Variants in RTEL1 observed in about 807,000 individuals in gnomAD.
RTEL1 encodes the protein regulator of telomere elongation helicase 1.
RTEL1 carries 86 observed loss-of-function variants against 162.2 expected under a neutral mutation model. The observed-to-expected ratio is 0.53, with a 90% confidence interval of 0.45 to 0.63. RTEL1 has a LOEUF of 0.63. RTEL1 is among the 30% of genes least tolerant of loss of function. RTEL1 has a pLI of 0.00. For missense variants in RTEL1, 1,941 were observed against 1,750.2 expected, an observed-to-expected ratio of 1.11 and a Z score of -1.95; for synonymous variants, 958 against 717.9, an observed-to-expected ratio of 1.33 and a Z score of -5.35.
In RTEL1 at chr20:63,689,072, T is replaced by C. The variant is rs914045411; in HGVS notation, c.1818T>C (p.Tyr606=). 1.2e-6 allele frequency: 2 copies of C among 1,610,918 alleles called. No individual in the cohort carries two copies. The highest frequency in any genetic ancestry group is 1.3e-5 in the African/African-American group (1 of 74,908). The change falls in exon 22 of 35, where the codon TAT becomes TAC. Residue 606 remains tyrosine (Y), a synonymous_variant. Coordinates refer to ENST00000360203, the MANE Select transcript of RTEL1 (RefSeq NM_001283009.2). ...CCTTCCAGACCATCAGTGCTTACTA[T>C]GCAAGGGTTGCCGCCCCTGGGTCCA... ...GSFSETISAY[Y]ARVAAPGSTG... is the part of the protein sequence containing the mutation.
At chr20:63,682,932 C>T (rs1018064178) in intron 14 of RTEL1, among the ~76,000 whole-genome samples, 35 of 152,270 alleles carry the variant, frequency 2.3e-4, no homozygotes, top group African/African-American at 7.5e-4. Context: ...TGCCTGAGGC[C>T]GGAGCTGCCC....
intron 21 of RTEL1, 62 bp downstream of exon 21, chr20:63,688,667 C>T (rs2090652089): frequency 1.3e-6 from 2 of 1,486,716 alleles, no homozygotes; most frequent in Non-Finnish European, 1.8e-6. Flanking sequence ...CCTCTCACAG[C>T]TTCCCCAAGG....
chr20:63,682,594 C>G, intron 14 of RTEL1: 2 of 985,938 alleles, frequency 2.0e-6, no homozygotes, highest in Non-Finnish European at 2.4e-6. Flanking sequence ...TGCCAGCCCT[C>G]GGGTGCCTGG....
In RTEL1 at chr20:63,694,462, AC is replaced by A. The variant is rs1473588432; in HGVS notation, c.3085del (p.Leu1029CysfsTer32). ...GAGCACCTGAACCAGGGCAGGCCCC[AC>A]CTGTCGCCCAGGCCACCCCCAACAG... ...PQEHLNQGRPHLSPRPPPTGD... is the reference protein window; with the variant it reads ...PQEHLNQGRPXLSPRPPPTGD... On this transcript the variant is annotated frameshift_variant, in exon 31 of 35. Coordinates refer to ENST00000360203, the MANE Select transcript of RTEL1 (RefSeq NM_001283009.2). LOFTEE classifies it high-confidence loss of function. 6.2e-7 allele frequency: 1 copy of A among 1,604,304 alleles called. No homozygotes were observed. The highest frequency in any genetic ancestry group is 1.1e-5 in the South Asian group (1 of 90,798).
intron 10 of RTEL1, among the ~76,000 whole-genome samples, chr20:63,674,740 C>T (rs1207051543): frequency 6.6e-6 from 1 of 151,758 alleles, no homozygotes; most frequent in Non-Finnish European, 1.5e-5. Flanking sequence ...ACTGTAAGGG[C>T]ATTTTGCATC....
At chr20:63,665,520 C>G (rs2090108712) in intron 6 of RTEL1, among the ~76,000 whole-genome samples, 1 of 152,188 alleles carries the variant, frequency 6.6e-6, no homozygotes, top group Non-Finnish European at 1.5e-5. Context: ...CCCAGGAAAA[C>G]CTGGCTCTCC....
chr20:63,693,966 TG>T (rs2090894925), intron 30 of RTEL1, among the ~76,000 whole-genome samples: 2 of 151,538 alleles, frequency 1.3e-5, no homozygotes, highest in Admixed American at 6.6e-5. Context: ...TGCCTCTGTT[TG>T]GGGTGGAGTC....
chr20:63,695,412 C>T lies in RTEL1; in HGVS notation c.3584C>T (p.Ala1195Val), dbSNP rs778286683. The T allele has an allele frequency of 1.5e-5, 23 of 1,559,838 alleles. No homozygotes were observed. In the Admixed American group the frequency reaches 2.4e-4, roughly 16 times the overall value. Residue 1195 changes from alanine (A) to valine (V), a missense_variant, in exon 34 of 35, where the codon GCG becomes GTG. Ala to Val is a moderately conservative substitution (Grantham distance 64, BLOSUM62 0). Transcript: ENST00000360203. Reference protein sequence around the residue: ...LRQRPAGTVGAGGEDAGPSQS... With the variant: ...LRQRPAGTVGVGGEDAGPSQS... Reference sequence around the variant, plus strand: ...CAGAGGCCAGCAGGGACTGTGGGGGCGGGCGGTGAGGATGCAGGTCCCAGC... The same window carrying T: ...CAGAGGCCAGCAGGGACTGTGGGGGTGGGCGGTGAGGATGCAGGTCCCAGC...
At chr20:63,694,307 C>G in intron 30 of RTEL1, 65 bp from the exon 31 acceptor site, 1 of 974,996 alleles carries the variant, frequency 1.0e-6, no homozygotes. Context: ...CAGCCCTGCC[C>G]CCCCACCCCA....
intron 10 of RTEL1, among the ~76,000 whole-genome samples, chr20:63,674,910 C>A (rs1569091558): frequency 7.0e-6 from 1 of 142,538 alleles, no homozygotes; most frequent in Non-Finnish European, 1.5e-5. Context: ...TATTTTCTTT[C>A]TTTTTTTTTT....
chr20:63,663,883 GAGCCAGGT>G (rs2090070515), intron 6 of RTEL1, among the ~76,000 whole-genome samples: 1 of 152,214 alleles, frequency 6.6e-6, no homozygotes, highest in Non-Finnish European at 1.5e-5. Flanking sequence ...GGCAGAGACT[GAGCCAGGT>G]GGTCCCGCAT....
chr20:63,671,769 G>T (rs1478579589), intron 8 of RTEL1, among the ~76,000 whole-genome samples: 1 of 151,496 alleles, frequency 6.6e-6, no homozygotes, highest in Non-Finnish European at 1.5e-5. Context: ...GGGCTTGCAG[G>T]CGTGAGCCAC....
In RTEL1 at chr20:63,693,406, T is replaced by C. The variant is rs1033102868; in HGVS notation, c.2992+123T>C. 28 of 1,157,376 alleles carry C rather than the reference T, an allele frequency of 2.4e-5. No individual in the cohort carries two copies. The Admixed American group carries it at 5.7e-4, about 23-fold the overall frequency. The allele number at this position is 1,157,376 out of a possible 1,614,324, so 71.7% of individuals were successfully genotyped here. On this transcript the variant is annotated intron_variant, in intron 30 of 34. Coordinates refer to ENST00000360203, the MANE Select transcript of RTEL1 (RefSeq NM_001283009.2). The stretch of plus-strand genomic sequence containing the variant: ...TTGGCCCCGCCTCTCTGTTCCCCTA[T>C]GGGAGTGATGGGGGCCTCCACCTCC...
rs2090175712 is a variant in RTEL1 at position 63,668,153 on chromosome 20, C to T, written c.699+600C>T. The stretch of plus-strand genomic sequence containing the variant: ...GTGCCCGGCCCCACACTCAACTCCC[C>T]TCCTCCCAGTGTGTGCCCGGCCCTG... On this transcript the variant is annotated intron_variant, in intron 8 of 34. Coordinates refer to ENST00000360203, the MANE Select transcript of RTEL1 (RefSeq NM_001283009.2). The surrounding 1 kb of genome is among the most constrained non-coding windows in gnomAD (Gnocchi z 4.3). 6.6e-6 allele frequency among the ~76,000 whole-genome samples: 1 copy of T among 151,876 alleles called. No individual in the cohort carries two copies.
chr20:63,689,014 G>T (rs374102042), intron 21 of RTEL1, 41 bp from the exon 22 acceptor site: 109 of 1,556,294 alleles, frequency 7.0e-5, no homozygotes, highest in Admixed American at 3.9e-4. Flanking sequence ...GAAGGGGCTG[G>T]GGGGGGGCTC....
chr20:63,678,103 G>A (rs371242968), intron 10 of RTEL1, 42 bp from the exon 11 acceptor site: 145 of 1,613,310 alleles, frequency 9.0e-5, no homozygotes, highest in South Asian at 5.8e-4. Context: ...TTGTTGGCAC[G>A]AGCGTGATGC....
chr20:63,694,870 T>C lies in RTEL1; in HGVS notation c.3239T>C (p.Leu1080Ser), dbSNP rs770243852. The part of the protein sequence containing the change: ...ALGSAGCSQL[L>S]AALTAYKQDD... The stretch of plus-strand genomic sequence containing the variant: ...GGGTCCGCGGGCTGTAGCCAACTCT[T>C]GGCAGCGCTGACAGCCTATAAGCAA... The change falls in exon 32 of 35, where the codon TTG becomes TCG. Residue 1080 changes from leucine (L) to serine (S), a missense_variant. Coordinates refer to ENST00000360203, the MANE Select transcript of RTEL1 (RefSeq NM_001283009.2). 64 of 1,612,610 alleles carry C rather than the reference T, an allele frequency of 4.0e-5. 1 individual carries two copies. In the South Asian group the frequency reaches 6.7e-4, roughly 17 times the overall value.
chr20:63,661,659 C>A lies in RTEL1; in HGVS notation c.301+163C>A, dbSNP rs1356274118. 1 of 944,062 alleles carries A rather than the reference C, an allele frequency of 1.1e-6. No homozygotes were observed. Among genetic ancestry groups the A allele is most frequent in the Non-Finnish European group, 1.6e-6 (1 of 634,278 alleles). The allele number at this position is 944,062 out of a possible 1,614,324, so 58.5% of individuals were successfully genotyped here. ...AATTTCTCGCCATCGTGGGTGTAAA[C>A]CTAGGGTTGGGCTTTTTTGCTGAAT... On this transcript the variant is annotated intron_variant, in intron 3 of 34. Transcript: ENST00000360203. The surrounding 1 kb of genome is among the most constrained non-coding windows in gnomAD (Gnocchi z 5.1).
At chr20:63,663,562 C>T (rs1310625331) in intron 6 of RTEL1, among the ~76,000 whole-genome samples, 1 of 152,218 alleles carries the variant, frequency 6.6e-6, no homozygotes, top group Non-Finnish European at 1.5e-5. Flanking sequence ...TCGGGTATGT[C>T]AAGGGCTTCT....
Sources: gnomAD v4.1 joint callset for allele counts (sites outside exome capture counted in the v4.1 genomes callset) on GRCh38, gnomAD v4.1.1 for gene constraint, Gnocchi (gnomAD v3.1) non-coding constraint, MANE v1.5 for transcripts, NCBI Gene and HGNC (gene_info 2026-07-23, HGNC 2026-07-21) for gene names.